TENM2: variants seen among roughly 807,000 people sequenced by gnomAD.
TENM2 encodes the protein teneurin transmembrane protein 2, also known as teneurin-2.
A neutral mutation model predicts 245.2 loss-of-function variants in TENM2; 52 were observed. The ratio of observed to expected loss-of-function variants is 0.21; its 90% CI spans 0.17 to 0.27. The LOEUF is 0.27. Ranked by LOEUF, TENM2 falls within the 10% of genes least tolerant of loss-of-function variation. TENM2 has a pLI of 1.00. For synonymous variants in TENM2, 1,363 were observed against 1,438.9 expected (o/e 0.95, Z 1.19); for missense variants, 3,046 against 3,666.8 (o/e 0.83, Z 4.37).
the TENM2 span, among the ~76,000 whole-genome samples, chr5:167,263,065 A>G: frequency 6.6e-6 from 1 of 152,036 alleles, no homozygotes; most frequent in Non-Finnish European, 1.5e-5. Flanking sequence ...CAGAGGTCCC[A>G]CCTCTTAATA....
intron 2 of TENM2, among the ~76,000 whole-genome samples, chr5:167,858,862 G>A (rs1367762078): frequency 2.2e-5 from 3 of 139,212 alleles, no homozygotes; most frequent in South Asian, 4.8e-4. Context: ...CGCGGGGCCC[G>A]AGGGCAAGGA....
At chr5:168,162,487 C>T (rs1020609163) in intron 12 of TENM2, 124 bp from the exon 15 acceptor site, 67 of 993,608 alleles carry the variant, frequency 6.7e-5, no homozygotes, top group Admixed American at 1.0e-4. Flanking sequence ...AAGGCAGGCG[C>T]GGGCCCCACT....
intron 13 of TENM2, among the ~76,000 whole-genome samples, chr5:168,188,415 G>T (rs529638385): frequency 6.6e-6 from 1 of 152,324 alleles, no homozygotes; most frequent in East Asian, 1.9e-4. Flanking sequence ...TCCCAGCCGA[G>T]TGAATAAGGA....
intron 6 of TENM2, among the ~76,000 whole-genome samples, chr5:168,049,663 C>T (rs749365804): frequency 3.6e-4 from 55 of 152,190 alleles, no homozygotes; most frequent in Non-Finnish European, 7.6e-4. Context: ...AAACACTTTC[C>T]ATTGTGTCTT....
rs748701996 is a variant in TENM2 at position 168,211,695 on chromosome 5, T to C, written c.3825-39T>C. ...CTTTATCATCAATTCTTCTGCTAAC[T>C]GTTTGTTCTTTTTTCCTTTCTGTTT... On this transcript the variant is annotated intron_variant, in intron 19 of 28. Coordinates refer to ENST00000518659, the Ensembl canonical transcript of TENM2. 5 of 1,233,740 alleles carry C rather than the reference T, an allele frequency of 4.1e-6. No homozygotes were observed. The East Asian group carries it at 7.8e-5, about 19-fold the overall frequency. The allele number at this position is 1,233,740 out of a possible 1,614,324, so 76.4% of individuals were successfully genotyped here.
intron 5 of TENM2, among the ~76,000 whole-genome samples, chr5:167,996,129 TCCAGAA>T (rs1216457753): frequency 6.6e-6 from 1 of 152,094 alleles, no homozygotes; most frequent in African/African-American, 2.4e-5. Context: ...AAGAAGACTT[TCCAGAA>T]ATGAGCAGTT....
Position 168,201,553 on chromosome 5 carries a change from A to G in TENM2, c.3430+1422A>G, listed in dbSNP as rs551040613. 4.6e-5 allele frequency among the ~76,000 whole-genome samples: 7 copies of G among 152,102 alleles called. No homozygotes were observed. The South Asian group carries it at 1.5e-3, about 32-fold the overall frequency. ...TAGACGTCACATCATTTCACCTGTA[A>G]TATTTAAGAATGTATCTCTAAAAAC... On this transcript the variant is annotated intron_variant, in intron 17 of 28. Transcript: ENST00000518659.
At chr5:167,358,625 A>G (rs1244939173) in intron 1 of TENM2, among the ~76,000 whole-genome samples, 2 of 151,504 alleles carry the variant, frequency 1.3e-5, no homozygotes, top group Admixed American at 1.3e-4. Flanking sequence ...CATTTATTCC[A>G]AACTGGGGAT....
At chr5:167,112,402 A>T in the TENM2 span, among the ~76,000 whole-genome samples, 1 of 152,228 alleles carries the variant, frequency 6.6e-6, no homozygotes, top group East Asian at 1.9e-4. Context: ...AACATCTTAG[A>T]GTAATTGAGA....
At chr5:167,655,038 T>C (rs1754749977) in intron 2 of TENM2, among the ~76,000 whole-genome samples, 1 of 152,206 alleles carries the variant, frequency 6.6e-6, no homozygotes, top group Admixed American at 6.5e-5. Flanking sequence ...GTCTTCATTA[T>C]ATAAGCAATT....
At chr5:167,606,423 G>C (rs749859545) in intron 2 of TENM2, among the ~76,000 whole-genome samples, 2 of 151,974 alleles carry the variant, frequency 1.3e-5, no homozygotes, top group African/African-American at 4.8e-5. Flanking sequence ...AGGAGGGATG[G>C]GAAGAGGCAA....
intron 2 of TENM2, among the ~76,000 whole-genome samples, chr5:167,420,140 GC>G (rs1314655722): frequency 1.3e-5 from 2 of 152,240 alleles, no homozygotes; most frequent in Non-Finnish European, 2.9e-5. Flanking sequence ...GAAGCCAGAT[GC>G]AGGAGTAGTT....
intron 2 of TENM2, among the ~76,000 whole-genome samples, chr5:167,780,895 T>G (rs1225836874): frequency 6.6e-6 from 1 of 152,182 alleles, no homozygotes; most frequent in Non-Finnish European, 1.5e-5. Context: ...ACACTGGCAA[T>G]AGTATTTTTG....
chr5:167,673,905 C>A (rs561827560), intron 2 of TENM2, among the ~76,000 whole-genome samples: 3 of 151,982 alleles, frequency 2.0e-5, no homozygotes, highest in Admixed American at 1.3e-4. Context: ...GTGTCTATAA[C>A]GGCTCTTATT....
intron 2 of TENM2, among the ~76,000 whole-genome samples, chr5:167,460,887 C>T (rs1439483568): frequency 6.6e-6 from 1 of 152,074 alleles, no homozygotes; most frequent in Non-Finnish European, 1.5e-5. Context: ...ATGATTGGTG[C>T]AACTCATACT....
At chr5:166,986,267 A>G in the TENM2 span, among the ~76,000 whole-genome samples, 7 of 152,192 alleles carry the variant, frequency 4.6e-5, no homozygotes, top group African/African-American at 1.7e-4. Context: ...ACATACACAG[A>G]CTTATTTTGG....
At chr5:167,638,121 G>A (rs1211165907) in intron 2 of TENM2, among the ~76,000 whole-genome samples, 1 of 150,798 alleles carries the variant, frequency 6.6e-6, no homozygotes, top group Admixed American at 6.6e-5. Flanking sequence ...GTGTGTGTGT[G>A]TGTGTGTGTG....
the TENM2 span, among the ~76,000 whole-genome samples, chr5:167,012,250 A>G: frequency 6.6e-6 from 1 of 152,238 alleles, no homozygotes; most frequent in East Asian, 1.9e-4. Flanking sequence ...ACTAAACTCT[A>G]TTCTCCACCT....
At chr5:167,698,114 T>C (rs1340500184) in intron 2 of TENM2, among the ~76,000 whole-genome samples, 1 of 152,194 alleles carries the variant, frequency 6.6e-6, no homozygotes, top group African/African-American at 2.4e-5. Flanking sequence ...GCACTGATCT[T>C]GTGTTCAGAT....
Sources: allele counts gnomAD v4.1 joint callset (sites outside exome capture counted in the v4.1 genomes callset), GRCh38; gene constraint gnomAD v4.1.1; transcripts MANE v1.5; gene names NCBI Gene and HGNC (gene_info 2026-07-23, HGNC 2026-07-21).